Variants in MARCHF8 observed in about 807,000 individuals in gnomAD.
The protein encoded by MARCHF8 is membrane associated ring-CH-type finger 8.
Under a neutral mutation model 51.6 loss-of-function variants are expected in MARCHF8, and 40 were observed. The ratio of observed to expected loss-of-function variants is 0.77; its 90% CI spans 0.60 to 1.01. The LOEUF is 1.01. Among genes scored for constraint, MARCHF8 ranks in the 50% least tolerant of loss-of-function variants. MARCHF8 has a pLI of 0.00. For synonymous variants in MARCHF8, 263 were observed against 280.3 expected, an observed-to-expected ratio of 0.94 and a Z score of 0.62; for missense variants, 685 against 708.6, an observed-to-expected ratio of 0.97 and a Z score of 0.38.
At chr10:45,566,518 G>A (rs11239561) in intron 1 of MARCHF8, among the ~76,000 whole-genome samples, 9 of 152,196 alleles carry the variant, frequency 5.9e-5, no homozygotes, top group African/African-American at 1.7e-4. Flanking sequence ...GTGAGAACAC[G>A]CAAGGCTTGT....
intron 1 of MARCHF8, among the ~76,000 whole-genome samples, chr10:45,534,121 C>T (rs1424239022): frequency 1.3e-5 from 2 of 151,874 alleles, no homozygotes; most frequent in Non-Finnish European, 2.9e-5. Flanking sequence ...AGGCGGAGCT[C>T]GCAGTGAGCC....
At chr10:45,551,216 T>C (rs561067836) in intron 1 of MARCHF8, among the ~76,000 whole-genome samples, 1 of 152,306 alleles carries the variant, frequency 6.6e-6, no homozygotes, top group South Asian at 2.1e-4. Flanking sequence ...TTTAGTCTCA[T>C]TCTTCTGACA....
At chr10:45,489,611 T>C (rs1460284470) in intron 2 of MARCHF8, among the ~76,000 whole-genome samples, 194 bp from the exon 3 acceptor site, 1 of 152,050 alleles carries the variant, frequency 6.6e-6, no homozygotes, top group Non-Finnish European at 1.5e-5. Flanking sequence ...TACACAATAG[T>C]CCCTGTCCTA....
At chr10:45,516,459 T>C (rs1057233079) in intron 2 of MARCHF8, among the ~76,000 whole-genome samples, 6 of 152,066 alleles carry the variant, frequency 3.9e-5, no homozygotes, top group South Asian at 2.1e-4. Flanking sequence ...TCAAACTGAT[T>C]GATTATTAAG....
chr10:45,459,359 A>G (rs2279433), intron 6 of MARCHF8, 92 bp from the exon 7 acceptor site: 90,330 of 1,379,728 alleles, frequency 0.065, 3,163 homozygotes, highest in East Asian at 0.084. Context: ...TTGGCTTTCC[A>G]CCCCACTTCT....
chr10:45,550,557 T>G (rs1241681049), intron 1 of MARCHF8, among the ~76,000 whole-genome samples: 1 of 152,150 alleles, frequency 6.6e-6, no homozygotes, highest in Non-Finnish European at 1.5e-5. Context: ...AAGCATATTC[T>G]CCACATACTG....
rs929208650 is a variant in MARCHF8, at chr10:45,565,006, T to A, written c.-79+29229A>T. Among the ~76,000 whole-genome samples the A allele has an allele frequency of 8.2e-3, 1,013 of 124,290 alleles. 6 individuals are homozygous for A. The highest frequency in any genetic ancestry group is 0.038 in the Middle Eastern group (8 of 212). The allele number at this position is 124,290 out of a possible 152,430, so 81.5% of individuals were successfully genotyped here. ...CCACTAAAAAAAAAAAAAAAAAAAA[T>A]ACTGGAAGTGTTAAATGTGTGGATA... On this transcript the variant is annotated intron_variant, in intron 1 of 6. Coordinates refer to the MARCHF8 transcript ENST00000319836.
intron 1 of MARCHF8, among the ~76,000 whole-genome samples, chr10:45,565,680 C>T (rs2133376998): frequency 6.6e-6 from 1 of 152,010 alleles, no homozygotes; most frequent in East Asian, 1.9e-4. Context: ...AGACAAACAG[C>T]AAACTAGTAG....
chr10:45,520,768 G>T (rs987125238), intron 2 of MARCHF8, among the ~76,000 whole-genome samples: 1 of 152,180 alleles, frequency 6.6e-6, no homozygotes, highest in African/African-American at 2.4e-5. Context: ...CTGACAGCAA[G>T]AATGTAATTA....
chr10:45,593,279 T>C (rs2044701619), intron 1 of MARCHF8, among the ~76,000 whole-genome samples: 1 of 151,968 alleles, frequency 6.6e-6, no homozygotes, highest in Non-Finnish European at 1.5e-5. Flanking sequence ...CTTAAAACCC[T>C]AGTCTCCAAA....
intron 2 of MARCHF8, among the ~76,000 whole-genome samples, chr10:45,523,866 A>C (rs1431670505): frequency 6.6e-6 from 1 of 152,250 alleles, no homozygotes; most frequent in Non-Finnish European, 1.5e-5. Context: ...CAACATCCAC[A>C]GAGGTCAGCT....
chr10:45,560,299 C>T lies in MARCHF8; in HGVS notation c.-78-27010G>A, dbSNP rs547423738. On this transcript the variant is annotated intron_variant, in intron 1 of 6. Coordinates refer to the MARCHF8 transcript ENST00000319836. ...GGAAGGCCAAGAGGTTTTATAAAAG[C>T]TTTGGAAAACGATTTGGCTGAAGGC... 9.2e-5 allele frequency among the ~76,000 whole-genome samples: 14 copies of T among 152,242 alleles called. No individual in the cohort carries two copies. The East Asian group carries it at 2.1e-3, about 23-fold the overall frequency.
chr10:45,567,528 G>A (rs1393015173), intron 1 of MARCHF8, among the ~76,000 whole-genome samples: 2 of 152,128 alleles, frequency 1.3e-5, no homozygotes, highest in Non-Finnish European at 2.9e-5. Flanking sequence ...ATTTATTGAA[G>A]AGACTGTCTT....
chr10:45,465,091 G>A (rs1302200019), intron 3 of MARCHF8, among the ~76,000 whole-genome samples: 3 of 152,182 alleles, frequency 2.0e-5, no homozygotes, highest in Admixed American at 2.0e-4. Flanking sequence ...CTGCAGTGAG[G>A]AGAGAAATGG....
chr10:45,464,433 C>A, intron 3 of MARCHF8, 106 bp from the exon 4 acceptor site: 3 of 896,132 alleles, frequency 3.3e-6, no homozygotes, highest in Non-Finnish European at 5.6e-6. Flanking sequence ...TCTGCTGCTT[C>A]CCGCTGCTCA....
chr10:45,592,446 G>C (rs2044691393), intron 1 of MARCHF8, among the ~76,000 whole-genome samples: 1 of 152,058 alleles, frequency 6.6e-6, no homozygotes, highest in Non-Finnish European at 1.5e-5. Context: ...AACAGGTAGG[G>C]TTGTAAAGTG....
chr10:45,572,501 C>G (rs77776321), intron 1 of MARCHF8, among the ~76,000 whole-genome samples: 1 of 152,212 alleles, frequency 6.6e-6, no homozygotes, highest in East Asian at 1.9e-4. Flanking sequence ...AATACAAACT[C>G]GATAACGGCT....
intron 6 of MARCHF8, among the ~76,000 whole-genome samples, chr10:45,460,143 G>A (rs747594815): frequency 6.6e-6 from 1 of 152,076 alleles, no homozygotes; most frequent in African/African-American, 2.4e-5. Flanking sequence ...TTTTCTGCTG[G>A]GATTTTATAC....
At chr10:45,542,295 C>T (rs1392492817) in intron 1 of MARCHF8, among the ~76,000 whole-genome samples, 4 of 140,002 alleles carry the variant, frequency 2.9e-5, no homozygotes, top group Admixed American at 1.5e-4. Context: ...TGTAGTGAGC[C>T]GAGACCGTCC....
Sources: gnomAD v4.1 joint callset for allele counts (sites outside exome capture counted in the v4.1 genomes callset) on GRCh38, gnomAD v4.1.1 for gene constraint, MANE v1.5 for transcripts, NCBI Gene and HGNC (gene_info 2026-07-23, HGNC 2026-07-21) for gene names.